The following DTX2 variants were observed in gnomAD, a reference collection of about 807,000 sequenced individuals.
DTX2 encodes the protein deltex E3 ubiquitin ligase 2.
DTX2 carries 29 observed loss-of-function variants against 55.3 expected under a neutral mutation model. That is an observed-to-expected ratio of 0.52 (90% confidence interval 0.39 to 0.71). The LOEUF is 0.71. Ranked by LOEUF, DTX2 falls within the 30% of genes least tolerant of loss-of-function variation. The pLI is 0.00. For synonymous variants in DTX2, 276 were observed against 340.4 expected, an observed-to-expected ratio of 0.81 and a Z score of 2.08; for missense variants, 537 against 822.5, an observed-to-expected ratio of 0.65 and a Z score of 4.25.
At chr7:76,491,364 A>G (rs866295259) in intron 4 of DTX2, among the ~76,000 whole-genome samples, 56 of 126,192 alleles carry the variant, frequency 4.4e-4, no homozygotes, top group Admixed American at 8.8e-4. Flanking sequence ...GCACGGTCTC[A>G]GCAACCTCCA....
chr7:76,465,269 G>A (rs1807044625), intron 2 of DTX2, among the ~76,000 whole-genome samples: 1 of 145,306 alleles, frequency 6.9e-6, no homozygotes, highest in African/African-American at 2.7e-5. Flanking sequence ...TGATGCACAT[G>A]GGAGTAGTGG....
chr7:76,481,608 T>C (rs923809523), intron 3 of DTX2, among the ~76,000 whole-genome samples: 1 of 151,862 alleles, frequency 6.6e-6, no homozygotes, highest in African/African-American at 2.4e-5. Context: ...CATCTGACAA[T>C]GTTTGGAGAC....
At chr7:76,483,655 G>A (rs1268007994) in intron 4 of DTX2, among the ~76,000 whole-genome samples, 4 of 150,336 alleles carry the variant, frequency 2.7e-5, no homozygotes, top group South Asian at 2.2e-4. Flanking sequence ...CCTGGCCCCC[G>A]TGATGATGCA....
At chr7:76,477,275 A>C (rs1180935081) in intron 2 of DTX2, 6 of 140,954 alleles carry the variant, frequency 4.3e-5, no homozygotes, top group Admixed American at 3.6e-4. Flanking sequence ...CTGTGTTCGG[A>C]GTTGTTGCAG....
Position 76,483,094 on chromosome 7 carries a change from C to G in DTX2, c.855C>G (p.Ser285=), listed in dbSNP as rs1809502053. The G allele has an allele frequency of 1.9e-6, 3 of 1,612,996 alleles. No homozygotes were observed. The South Asian group carries it at 3.3e-5, about 18-fold the overall frequency. ...GSQPLYRSSL[S]HLGPQHLPPG... Reference sequence around the variant, plus strand: ...AGCCCCTCTACCGCTCCAGCCTCTCCCACCTGGGACCGCAGCACCTGCCCC... The same window carrying G: ...AGCCCCTCTACCGCTCCAGCCTCTCGCACCTGGGACCGCAGCACCTGCCCC... The change falls in exon 4 of 11, where the codon TCC becomes TCG. Residue 285 remains serine, a synonymous_variant. Coordinates refer to ENST00000430490, the MANE Select transcript of DTX2 (RefSeq NM_001102594.3).
intron 2 of DTX2, chr7:76,477,149 C>T (rs948371612): frequency 4.6e-5 from 6 of 130,348 alleles, no homozygotes; most frequent in East Asian, 2.5e-4. Context: ...TGAACCATTC[C>T]GCCCGCCCGC....
At chr7:76,491,089 C>CGAGGTT (rs1167478198) in intron 4 of DTX2, among the ~76,000 whole-genome samples, 1 of 144,706 alleles carries the variant, frequency 6.9e-6, no homozygotes, top group African/African-American at 2.6e-5. Context: ...CTCTGCTGCC[C>CGAGGTT]GAGGTTCAAG....
intron 6 of DTX2, among the ~76,000 whole-genome samples, chr7:76,499,390 C>G (rs1811381397): frequency 6.6e-6 from 1 of 150,876 alleles, no homozygotes; most frequent in African/African-American, 2.4e-5. Context: ...CACCTCCCTG[C>G]CAAACTGTCC....
chr7:76,473,459 GT>G (rs1808172084), intron 2 of DTX2, among the ~76,000 whole-genome samples: 1 of 129,758 alleles, frequency 7.7e-6, no homozygotes, highest in South Asian at 3.0e-4. Flanking sequence ...CTGGGAAGAG[GT>G]TCTAGAAGTT....
intron 4 of DTX2, among the ~76,000 whole-genome samples, chr7:76,484,654 T>C (rs1299313710): frequency 3.9e-5 from 6 of 151,990 alleles, no homozygotes; most frequent in Non-Finnish European, 5.9e-5. Context: ...GCCTCCCTGC[T>C]CACCGGCCCA....
chr7:76,474,221 T>C (rs531481765), intron 2 of DTX2, among the ~76,000 whole-genome samples: 681 of 118,182 alleles, frequency 5.8e-3, no homozygotes, highest in African/African-American at 0.022. Context: ...TTTCTTTCTT[T>C]TCTTTTTTTT....
intron 4 of DTX2, among the ~76,000 whole-genome samples, chr7:76,486,884 C>T (rs2539644): frequency 0.02 from 2,974 of 149,194 alleles, 9 homozygotes; most frequent in African/African-American, 0.064. Context: ...GCTGCTGCTG[C>T]TGCCCTTGCC....
rs1426454674 is a variant in DTX2, at chr7:76,505,282, G to A, written c.1642-92G>A. On this transcript the variant is annotated intron_variant, in intron 10 of 10. Transcript: ENST00000430490. The surrounding 1 kb of genome is among the most constrained non-coding windows in gnomAD (Gnocchi z 4.4). ...TGAGTCACCTGGGAGGGGCTGGGAT[G>A]GGAAGAACATGGTGCCAACCCGTGC... 4 of 1,089,310 alleles carry A rather than the reference G, an allele frequency of 3.7e-6. No homozygotes were observed. Among genetic ancestry groups the A allele is most frequent in the Admixed American group, 2.1e-5 (1 of 47,782 alleles). The allele number at this position is 1,089,310 out of a possible 1,614,324, so 67.5% of individuals were successfully genotyped here.
chr7:76,490,349 T>G lies in DTX2; in HGVS notation c.909-1804T>G, dbSNP rs1184547011. 2.3e-5 allele frequency among the ~76,000 whole-genome samples: 2 copies of G among 87,566 alleles called. 1 individual carries two copies. The highest frequency in any genetic ancestry group is 4.6e-5 in the Non-Finnish European group (2 of 43,046). 57.4% of individuals were successfully genotyped at this position (87,566 alleles called of 152,430 possible). ...CCTCACCCCCCCAAAAAAAGAAAAT[T>G]ACCACTGGTATAATACTCTTAACTA... On this transcript the variant is annotated intron_variant, in intron 4 of 10. Coordinates refer to ENST00000430490, the MANE Select transcript of DTX2 (RefSeq NM_001102594.3).
rs756084900 is a variant in DTX2 at position 76,482,713 on chromosome 7, C to T, written c.474C>T (p.Thr158=). The T allele has an allele frequency of 2.5e-6, 4 of 1,613,856 alleles. No individual in the cohort carries two copies. The highest frequency in any genetic ancestry group is 2.5e-6 in the Non-Finnish European group (3 of 1,179,802). Residue 158 remains threonine (T), a synonymous_variant, in exon 4 of 11, where the codon ACC becomes ACT. Transcript: ENST00000430490. ...ACAACTACACTGTCAACTACACCAC[C>T]CACACGCAGACCAACAAGACTTCCA... is the stretch of plus-strand genomic sequence containing the variant. ...LGYNYTVNYT[T]HTQTNKTSSF...
At chr7:76,503,344 C>T (rs1408176798) in intron 8 of DTX2, 82 bp from the exon 9 acceptor site, 2 of 1,481,860 alleles carry the variant, frequency 1.3e-6, no homozygotes, top group African/African-American at 2.8e-5. Flanking sequence ...ATTCCCGGGG[C>T]CCTTTACCAT....
intron 4 of DTX2, among the ~76,000 whole-genome samples, chr7:76,491,688 A>ATT (rs1453345709): frequency 3.7e-5 from 1 of 26,778 alleles, no homozygotes; most frequent in Non-Finnish European, 8.2e-5. Flanking sequence ...CAGAGTCTTT[A>ATT]TTTTTTTTTT....
intron 3 of DTX2, among the ~76,000 whole-genome samples, chr7:76,480,981 C>A (rs1294560344): frequency 2.0e-5 from 3 of 152,202 alleles, no homozygotes; most frequent in Non-Finnish European, 4.4e-5. Flanking sequence ...CTGTGGGAGG[C>A]CCTTCCCCTT....
At chr7:76,476,992 T>C (rs955918644) in intron 2 of DTX2, 1 of 152,036 alleles carries the variant, frequency 6.6e-6, no homozygotes, top group Non-Finnish European at 1.5e-5. Flanking sequence ...CATGAGGACA[T>C]GTTGGGACAT....
Sources: gnomAD v4.1 joint callset for allele counts (sites outside exome capture counted in the v4.1 genomes callset) on GRCh38, gnomAD v4.1.1 for gene constraint, Gnocchi (gnomAD v3.1) non-coding constraint, MANE v1.5 for transcripts, NCBI Gene and HGNC (gene_info 2026-07-23, HGNC 2026-07-21) for gene names.